CALCRL: variants seen among roughly 807,000 people sequenced by gnomAD.
CALCRL encodes calcitonin receptor like receptor.
In CALCRL, 27 loss-of-function variants were observed where a neutral mutation model predicts 60.4. The ratio of observed to expected loss-of-function variants is 0.45; its 90% CI spans 0.33 to 0.62. The LOEUF is 0.62. Ranked by LOEUF, CALCRL falls within the 20% of genes least tolerant of loss-of-function variation. CALCRL has a pLI of 0.03. For synonymous variants in CALCRL, 190 were observed against 182.6 expected (o/e 1.04, Z -0.33); for missense variants, 424 against 540.7 (o/e 0.78, Z 2.14).
At chr2:187,355,356 T>C (rs1458110818) in intron 12 of CALCRL, among the ~76,000 whole-genome samples, 2 of 152,038 alleles carry the variant, frequency 1.3e-5, no homozygotes, top group Admixed American at 6.6e-5. Flanking sequence ...GCCCTTAGAA[T>C]GTAGGAGAAG....
At chr2:187,347,711 T>C (rs1686346541) in intron 14 of CALCRL, among the ~76,000 whole-genome samples, 1 of 151,720 alleles carries the variant, frequency 6.6e-6, no homozygotes. Context: ...TGTTCCAGGA[T>C]GTCTGCAGCT....
intron 1 of CALCRL, among the ~76,000 whole-genome samples, chr2:187,401,874 ACT>A (rs1688901409): frequency 6.6e-6 from 1 of 151,480 alleles, no homozygotes; most frequent in Non-Finnish European, 1.5e-5. Context: ...TTACATCCTA[ACT>A]ATACTCCTTC....
chr2:187,355,607 A>T (rs1362283689), intron 12 of CALCRL, among the ~76,000 whole-genome samples: 1 of 152,094 alleles, frequency 6.6e-6, no homozygotes, highest in Non-Finnish European at 1.5e-5. Context: ...GGAAGCTTTG[A>T]ATTTTACATG....
intron 1 of CALCRL, among the ~76,000 whole-genome samples, chr2:187,445,046 C>T (rs893208862): frequency 5.3e-5 from 8 of 151,506 alleles, no homozygotes; most frequent in African/African-American, 1.9e-4. Flanking sequence ...AAAAATAGAA[C>T]ATACCTGAGA....
At chr2:187,386,223 G>C (rs960623938) in intron 3 of CALCRL, among the ~76,000 whole-genome samples, 7 of 151,886 alleles carry the variant, frequency 4.6e-5, no homozygotes, top group African/African-American at 1.7e-4. Context: ...TTACAATAGA[G>C]AGTTTTTCAT....
chr2:187,426,922 A>G (rs1690163891), intron 1 of CALCRL, among the ~76,000 whole-genome samples: 2 of 152,146 alleles, frequency 1.3e-5, no homozygotes, highest in Non-Finnish European at 2.9e-5. Flanking sequence ...AATTTTATTT[A>G]CCCTATATTA....
intron 8 of CALCRL, among the ~76,000 whole-genome samples, chr2:187,374,707 A>C (rs1383269674): frequency 1.3e-5 from 2 of 152,138 alleles, no homozygotes; most frequent in Admixed American, 6.6e-5. Flanking sequence ...AGATGACTAC[A>C]TAAATGTATT....
At chr2:187,347,798 C>T (rs970956475) in intron 14 of CALCRL, among the ~76,000 whole-genome samples, 1 of 151,654 alleles carries the variant, frequency 6.6e-6, no homozygotes, top group Non-Finnish European at 1.5e-5. Context: ...TTTATTGTCT[C>T]ATTTCATGTA....
chr2:187,395,964 T>A (rs1688632245), intron 1 of CALCRL, among the ~76,000 whole-genome samples: 1 of 151,882 alleles, frequency 6.6e-6, no homozygotes, highest in Non-Finnish European at 1.5e-5. Context: ...GAAACAGTTT[T>A]TACTCCTAGT....
intron 1 of CALCRL, among the ~76,000 whole-genome samples, chr2:187,435,860 T>G (rs200217222): frequency 2.7e-5 from 2 of 72,946 alleles, no homozygotes; most frequent in Non-Finnish European, 6.0e-5. Flanking sequence ...GTGTGTGTGT[T>G]TGTGCGTGCG....
intron 1 of CALCRL, among the ~76,000 whole-genome samples, chr2:187,402,659 GT>G (rs1411567239): frequency 1.3e-5 from 2 of 151,708 alleles, no homozygotes; most frequent in African/African-American, 4.8e-5. Flanking sequence ...TGATTTGCTG[GT>G]AGTGGCAGCC....
intron 1 of CALCRL, chr2:187,415,586 T>G: frequency 1.8e-6 from 1 of 554,158 alleles, no homozygotes; most frequent in Non-Finnish European, 3.3e-6. Flanking sequence ...ACCTGCCGTC[T>G]GGAAAAACCT....
chr2:187,411,151 G>A (rs2110799), intron 1 of CALCRL, among the ~76,000 whole-genome samples: 2 of 151,990 alleles, frequency 1.3e-5, no homozygotes, highest in South Asian at 4.2e-4. Context: ...GATCTCCCTA[G>A]AAATACTGAA....
chr2:187,348,354 TCTC>T (rs1047519982), intron 14 of CALCRL, among the ~76,000 whole-genome samples: 6 of 151,692 alleles, frequency 4.0e-5, no homozygotes, highest in Non-Finnish European at 8.9e-5. Context: ...TTCATAAACT[TCTC>T]CTAATTTTGT....
chr2:187,353,634 G>A (rs1686633460), intron 12 of CALCRL, among the ~76,000 whole-genome samples: 1 of 151,772 alleles, frequency 6.6e-6, no homozygotes, highest in South Asian at 2.1e-4. Flanking sequence ...ATACGATAAA[G>A]GCAAAAGCAG....
At chr2:187,358,383 G>A (rs1422353760) in intron 12 of CALCRL, among the ~76,000 whole-genome samples, 2 of 152,024 alleles carry the variant, frequency 1.3e-5, no homozygotes, top group East Asian at 3.9e-4. Flanking sequence ...TAATAATAGT[G>A]TAATAAAAGC....
chr2:187,349,257 A>T (rs1442749165), intron 14 of CALCRL, among the ~76,000 whole-genome samples: 1 of 151,694 alleles, frequency 6.6e-6, no homozygotes, highest in Non-Finnish European at 1.5e-5. Flanking sequence ...AAATGAAAGT[A>T]ATCCAAGCAC....
chr2:187,379,105 G>T, intron 7 of CALCRL, 74 bp from the exon 8 acceptor site: 1 of 736,024 alleles, frequency 1.4e-6, no homozygotes, highest in Non-Finnish European at 2.4e-6. Flanking sequence ...ACATGCAGAA[G>T]TTCAAATTCA....
chr2:187,357,291 T>C (rs1389502746), intron 12 of CALCRL, among the ~76,000 whole-genome samples: 2 of 152,042 alleles, frequency 1.3e-5, no homozygotes, highest in Non-Finnish European at 2.9e-5. Flanking sequence ...AAAGAAAATG[T>C]GGCATATATA....
Sources: gnomAD v4.1 joint callset for allele counts (sites outside exome capture counted in the v4.1 genomes callset) on GRCh38, gnomAD v4.1.1 for gene constraint, MANE v1.5 for transcripts, NCBI Gene and HGNC (gene_info 2026-07-23, HGNC 2026-07-21) for gene names.